POLR3F: variants seen among roughly 807,000 people sequenced by gnomAD.
POLR3F encodes RNA polymerase III subunit F, also known as DNA-directed RNA polymerase III subunit RPC6.
In POLR3F, 31 loss-of-function variants were observed where a neutral mutation model predicts 43.6. The ratio of observed to expected loss-of-function variants is 0.71; its 90% CI spans 0.53 to 0.96. The LOEUF (loss-of-function observed/expected upper bound fraction) is 0.96, where lower values mean the gene tolerates loss of function less well. Ranked by LOEUF, POLR3F falls within the 40% of genes least tolerant of loss-of-function variation. The pLI, the probability that POLR3F is intolerant of heterozygous loss-of-function variation, is 0.00. For missense variants in POLR3F, 316 were observed against 391.7 expected (o/e 0.81, Z 1.63); for synonymous variants, 114 against 132.5 (o/e 0.86, Z 0.96).
In POLR3F at chr20:18,467,514, A is replaced by G; in HGVS notation, c.8A>G (p.Glu3Gly). 2 of 1,614,178 alleles carry G rather than the reference A, an allele frequency of 1.2e-6. No individual in the cohort carries two copies. The highest frequency in any genetic ancestry group is 1.7e-6 in the Non-Finnish European group (2 of 1,180,000). Residue 3 changes from glutamate (E) to glycine (G), a missense_variant, in exon 1 of 9, where the codon GAG (glutamate) becomes GGG (glycine). This residue lies in a region of POLR3F where 122 missense variants were observed against 133.8 expected (regional missense o/e 0.91). Transcript: ENST00000377603. Reference protein sequence around the residue: MAEVKVKVQPPDA... With the variant: MAGVKVKVQPPDA... ...GTCAGGAACTGCGCCCTCATGGCGG[A>G]GGTGAAGGTGAAGGTGCAGCCGCCT...
chr20:18,475,058 A>C lies in POLR3F; in HGVS notation c.317-17A>C, dbSNP rs752392541. ...TGAAAACCAGAGTTCAACTTATTTT[A>C]CTTTACTTTCTTATAGGAATATGGA... On this transcript the variant is annotated splice_polypyrimidine_tract_variant and intron_variant, in intron 4 of 8. Coordinates refer to ENST00000377603, the MANE Select transcript of POLR3F (RefSeq NM_006466.4). The C allele has an allele frequency of 9.8e-7, 1 of 1,020,274 alleles. No homozygotes were observed. The highest frequency in any genetic ancestry group is 2.4e-5 in the East Asian group (1 of 41,894). The allele number at this position is 1,020,274 out of a possible 1,614,324, so 63.2% of individuals were successfully genotyped here. A position where few individuals can be genotyped will look rare whatever the true frequency, so the allele number is the denominator to read the frequency against.
intron 8 of POLR3F, among the ~76,000 whole-genome samples, chr20:18,483,075 C>G (rs767768403): frequency 8.6e-5 from 13 of 151,074 alleles, no homozygotes; most frequent in African/African-American, 2.7e-4. Context: ...CCGCTCCCCC[C>G]TCGCCCCCCG....
rs1441616034 is a variant in POLR3F, at chr20:18,467,575, C to A, written c.62+7C>A. On this transcript the variant is annotated splice_region_variant and intron_variant, in intron 1 of 8. Coordinates refer to ENST00000377603, the MANE Select transcript of POLR3F (RefSeq NM_006466.4). ...CGGTCGAAATAGAAAACAGGTAAAC[C>A]AGTGAGGCTCCGGCTTGGCACTCCA... 2 of 1,614,084 alleles carry A rather than the reference C, an allele frequency of 1.2e-6. No homozygotes were observed. Among genetic ancestry groups the A allele is most frequent in the African/African-American group, 2.7e-5 (2 of 74,950 alleles).
intron 5 of POLR3F, among the ~76,000 whole-genome samples, chr20:18,479,819 GT>G (rs1478532656): frequency 6.6e-6 from 1 of 152,182 alleles, no homozygotes; most frequent in African/African-American, 2.4e-5. Flanking sequence ...ATGGCATTTA[GT>G]TAGTAATGAT....
At position 18,472,912 on chromosome 20, in the gene POLR3F, A is replaced by T; in HGVS notation, c.248+3A>T. The T allele has an allele frequency of 7.4e-7, 1 of 1,345,368 alleles. No homozygotes were observed. Among genetic ancestry groups the T allele is most frequent in the Non-Finnish European group, 1.0e-6 (1 of 954,450 alleles). The allele number at this position is 1,345,368 out of a possible 1,614,324, so 83.3% of individuals were successfully genotyped here. ...ATAAAGGACTCTCAGAATGCTGGGT[A>T]AGTACTTGTTTTTTTAATTTTAAGA... On this transcript the variant is annotated splice_donor_region_variant and intron_variant, in intron 3 of 8. Transcript: ENST00000377603.
chr20:18,478,366 C>T (rs555272538), intron 5 of POLR3F, among the ~76,000 whole-genome samples: 1 of 152,220 alleles, frequency 6.6e-6, no homozygotes, highest in East Asian at 1.9e-4. Context: ...TAGGCACGTG[C>T]CACCATGCTC....
Position 18,481,719 on chromosome 20 carries a change from G to C in POLR3F, c.782G>C (p.Gly261Ala). The change falls in exon 8 of 9, where the codon GGC (glycine) becomes GCC (alanine). Residue 261 changes from glycine (G) to alanine (A), a missense_variant. Around this residue, in one of 3 missense-constraint regions of POLR3F, gnomAD observed 85 missense variants for 80.2 expected, o/e 1.06. Coordinates refer to ENST00000377603, the MANE Select transcript of POLR3F (RefSeq NM_006466.4). ...ATTGCTGCAAAAGAAGGCACAGTTG[G>C]CAGTGTAGATGGACACATGAAACTG... The part of the protein sequence containing the change: ...TIIAAKEGTV[G>A]SVDGHMKLYR... 1.2e-6 allele frequency: 2 copies of C among 1,612,534 alleles called. No homozygotes were observed. The highest frequency in any genetic ancestry group is 1.1e-5 in the South Asian group (1 of 91,042).
At chr20:18,479,139 T>C (rs2059795702) in intron 5 of POLR3F, among the ~76,000 whole-genome samples, 1 of 149,778 alleles carries the variant, frequency 6.7e-6, no homozygotes. Flanking sequence ...AGAGCGAAAC[T>C]CCGTTTCAAA....
intron 5 of POLR3F, among the ~76,000 whole-genome samples, chr20:18,478,945 C>A (rs1358432454): frequency 1.3e-5 from 2 of 150,230 alleles, no homozygotes; most frequent in Non-Finnish European, 3.0e-5. Flanking sequence ...GAATTAGAGA[C>A]CAGCTTGGCC....
chr20:18,471,374 G>A (rs568649387), intron 2 of POLR3F, among the ~76,000 whole-genome samples: 1 of 152,134 alleles, frequency 6.6e-6, no homozygotes, highest in Non-Finnish European at 1.5e-5. Context: ...AGGTTGGGCC[G>A]CAGCCTGTTC....
chr20:18,480,860 T>C (rs949186930), intron 7 of POLR3F, among the ~76,000 whole-genome samples: 1 of 152,050 alleles, frequency 6.6e-6, no homozygotes, highest in African/African-American at 2.4e-5. Context: ...AATTCTTTTT[T>C]TAAGGACACT....
rs2059701995 is a variant in POLR3F, at chr20:18,467,660, G to A, written c.62+92G>A. On this transcript the variant is annotated intron_variant, in intron 1 of 8. Transcript: ENST00000377603. Reference sequence around the variant, plus strand: ...TCTCCGGGATCCCTTGGGAGTGGCCGGAGCGGGTTAGGTGAGCACGCGGGA... The same window carrying A: ...TCTCCGGGATCCCTTGGGAGTGGCCAGAGCGGGTTAGGTGAGCACGCGGGA... 8.8e-6 allele frequency: 14 copies of A among 1,591,118 alleles called. No individual in the cohort carries two copies. In the South Asian group the frequency reaches 1.5e-4, roughly 17 times the overall value.
chr20:18,479,565 A>T (rs1471959148), intron 5 of POLR3F, among the ~76,000 whole-genome samples: 1 of 152,230 alleles, frequency 6.6e-6, no homozygotes, highest in African/African-American at 2.4e-5. Context: ...ACAGGAACCA[A>T]GTGAAAAGCT....
intron 4 of POLR3F, among the ~76,000 whole-genome samples, chr20:18,474,526 T>G (rs968633058): frequency 1.3e-5 from 2 of 152,144 alleles, no homozygotes; most frequent in Non-Finnish European, 2.9e-5. Context: ...AATTTTTTTT[T>G]TCTTTTTTTT....
intron 8 of POLR3F, 139 bp from the exon 9 acceptor site, chr20:18,483,342 G>A (rs891323964): frequency 2.2e-5 from 10 of 458,528 alleles, no homozygotes; most frequent in Non-Finnish European, 3.8e-5. Context: ...CACTGCGTCC[G>A]GCTATAATAT....
At chr20:18,470,189 A>G (rs1292350264) in intron 2 of POLR3F, among the ~76,000 whole-genome samples, 1 of 152,202 alleles carries the variant, frequency 6.6e-6, no homozygotes, top group Non-Finnish European at 1.5e-5. Flanking sequence ...CAGTTAGGTT[A>G]AAGAGTTCTA....
intron 2 of POLR3F, among the ~76,000 whole-genome samples, chr20:18,470,193 A>G (rs547326466): frequency 2.6e-4 from 39 of 152,352 alleles, no homozygotes; most frequent in African/African-American, 7.9e-4. Flanking sequence ...TAGGTTAAAG[A>G]GTTCTACGCC....
chr20:18,469,991 G>T (rs2059739640), intron 2 of POLR3F, among the ~76,000 whole-genome samples: 1 of 152,216 alleles, frequency 6.6e-6, no homozygotes, highest in Non-Finnish European at 1.5e-5. Context: ...TGGGGAGGAA[G>T]TGCAGCCTTA....
rs369465855 is a variant in POLR3F at position 18,475,814 on chromosome 20, C to A, written c.429+627C>A. ...TGTTAGGTCTGTGGCAGTGAGTAGA[C>A]CTTTCCTCAAATATCCGCTTACATA... On this transcript the variant is annotated intron_variant, in intron 5 of 8. Transcript: ENST00000377603. 5.9e-5 allele frequency among the ~76,000 whole-genome samples: 9 copies of A among 152,248 alleles called. No individual in the cohort carries two copies. The South Asian group carries it at 1.9e-3, about 32-fold the overall frequency.
Sources: gnomAD v4.1 joint callset for allele counts (sites outside exome capture counted in the v4.1 genomes callset) on GRCh38, gnomAD v4.1.1 for gene constraint, gnomAD v4.1.1 regional missense constraint, MANE v1.5 for transcripts, NCBI Gene and HGNC (gene_info 2026-07-23, HGNC 2026-07-21) for gene names.